ASCC1: variants seen among roughly 807,000 people sequenced by gnomAD.
The protein encoded by ASCC1 is activating signal cointegrator 1 complex subunit 1.
ASCC1 carries 35 observed loss-of-function variants against 46.6 expected under a neutral mutation model. The observed-to-expected ratio is 0.75, with a 90% CI of 0.57 to 0.99. The LOEUF (loss-of-function observed/expected upper bound fraction) is 0.99, where lower values mean the gene tolerates loss of function less well. Ranked by LOEUF, ASCC1 falls within the 50% of genes least tolerant of loss-of-function variation. The probability of loss-of-function intolerance (pLI) is 0.00; values close to 1 mark genes in which losing one functional copy is unlikely to be tolerated. For missense variants in ASCC1, 376 were observed against 428.7 expected (o/e 0.88, Z 1.09); for synonymous variants, 143 against 146.6 (o/e 0.98, Z 0.18).
chr10:72,160,048 G>A (rs952022669), intron 6 of ASCC1, among the ~76,000 whole-genome samples: 4 of 152,004 alleles, frequency 2.6e-5, no homozygotes, highest in African/African-American at 9.7e-5. Context: ...GGGACTACAG[G>A]TGCCTGCCAC....
At chr10:72,102,848 A>G (rs1329450161) in intron 9 of ASCC1, 2 of 358,150 alleles carry the variant, frequency 5.6e-6, no homozygotes, top group Non-Finnish European at 1.1e-5. Flanking sequence ...GGTGGCGGTC[A>G]CCTGTAATCC....
chr10:72,145,886 T>A (rs1304952813), intron 7 of ASCC1, among the ~76,000 whole-genome samples: 2 of 152,142 alleles, frequency 1.3e-5, no homozygotes, highest in East Asian at 3.8e-4. Flanking sequence ...AATGACCAAA[T>A]GGAAAAAAAC....
chr10:72,179,793 T>C (rs993219239), intron 5 of ASCC1, among the ~76,000 whole-genome samples: 2 of 152,150 alleles, frequency 1.3e-5, no homozygotes, highest in Non-Finnish European at 2.9e-5. Flanking sequence ...CAATTATCAA[T>C]TGAGTGAATA....
At chr10:72,099,625 A>T (rs936255936) in intron 9 of ASCC1, among the ~76,000 whole-genome samples, 1 of 152,228 alleles carries the variant, frequency 6.6e-6, no homozygotes, top group African/African-American at 2.4e-5. Flanking sequence ...GTTCGAGACC[A>T]GCCTGCCCTA....
At chr10:72,130,121 T>C (rs1157419221) in intron 8 of ASCC1, among the ~76,000 whole-genome samples, 1 of 152,092 alleles carries the variant, frequency 6.6e-6, no homozygotes, top group Non-Finnish European at 1.5e-5. Context: ...TACAGCATGA[T>C]TCTGTTTATA....
At chr10:72,186,606 T>G (rs187780103) in intron 5 of ASCC1, among the ~76,000 whole-genome samples, 4 of 152,206 alleles carry the variant, frequency 2.6e-5, no homozygotes, top group African/African-American at 9.7e-5. Flanking sequence ...CAGGCTTTCA[T>G]AGCCATCTTC....
At chr10:72,118,918 G>T (rs561356033) in intron 9 of ASCC1, among the ~76,000 whole-genome samples, 4 of 152,028 alleles carry the variant, frequency 2.6e-5, no homozygotes, top group South Asian at 4.2e-4. Flanking sequence ...TTCGGAAGTC[G>T]CCACTCCATC....
chr10:72,185,283 CAA>C (rs1853285403), intron 5 of ASCC1, among the ~76,000 whole-genome samples: 1 of 152,116 alleles, frequency 6.6e-6, no homozygotes, highest in Non-Finnish European at 1.5e-5. Flanking sequence ...AGTATTTACC[CAA>C]GAGGTATAAA....
chr10:72,126,001 C>A (rs1844820608), intron 9 of ASCC1, among the ~76,000 whole-genome samples: 1 of 152,198 alleles, frequency 6.6e-6, no homozygotes, highest in Non-Finnish European at 1.5e-5. Flanking sequence ...TATTAACTAG[C>A]TACGGTTTTA....
chr10:72,096,702 T>A lies in ASCC1; in HGVS notation c.*632A>T. On this transcript the variant is annotated 3_prime_UTR_variant, in exon 10 of 10. Transcript: ENST00000672957. ...GGAGGAACAGAGTGTGGTACGCACA[T>A]GTAACGGAACATTCCATTATATGTA... 1 of 454,090 alleles carries A rather than the reference T, an allele frequency of 2.2e-6. No homozygotes were observed. The highest frequency in any genetic ancestry group is 4.4e-6 in the Non-Finnish European group (1 of 226,786). The allele number at this position is 454,090 out of a possible 1,614,324, so 28.1% of individuals were successfully genotyped here. A position where few individuals can be genotyped will look rare whatever the true frequency, so the allele number is the denominator to read the frequency against.
chr10:72,199,456 C>T (rs1856166334), intron 4 of ASCC1, among the ~76,000 whole-genome samples: 1 of 152,056 alleles, frequency 6.6e-6, no homozygotes, highest in African/African-American at 2.4e-5. Context: ...CACCACCATG[C>T]CCTGCTAATT....
intron 6 of ASCC1, among the ~76,000 whole-genome samples, chr10:72,161,128 TGAA>T (rs1010172325): frequency 2.7e-5 from 4 of 145,744 alleles, no homozygotes; most frequent in African/African-American, 1.0e-4. Flanking sequence ...TAAAATATAA[TGAA>T]GACTTCCCTA....
At chr10:72,168,124 G>C (rs1249600096) in intron 5 of ASCC1, among the ~76,000 whole-genome samples, 2 of 152,220 alleles carry the variant, frequency 1.3e-5, no homozygotes, top group African/African-American at 4.8e-5. Context: ...CTGGGAGGTG[G>C]AGGTTGCAGT....
intron 9 of ASCC1, among the ~76,000 whole-genome samples, chr10:72,100,212 CTTAG>C (rs1377595280): frequency 2.0e-5 from 3 of 151,612 alleles, no homozygotes; most frequent in Admixed American, 6.6e-5. Flanking sequence ...TATCTTACTG[CTTAG>C]TTATTGTTAT....
chr10:72,115,456 G>A (rs1308267737), intron 9 of ASCC1, among the ~76,000 whole-genome samples: 1 of 152,098 alleles, frequency 6.6e-6, no homozygotes, highest in Non-Finnish European at 1.5e-5. Flanking sequence ...AATACAGGGA[G>A]ACTGTAGTAA....
intron 7 of ASCC1, among the ~76,000 whole-genome samples, chr10:72,152,388 G>GTATCCA (rs1436670759): frequency 6.6e-6 from 1 of 151,872 alleles, no homozygotes; most frequent in African/African-American, 2.4e-5. Flanking sequence ...TTTTGTCCTG[G>GTATCCA]TATCCACTAC....
intron 5 of ASCC1, among the ~76,000 whole-genome samples, chr10:72,189,746 G>A (rs893797759): frequency 3.5e-5 from 5 of 141,162 alleles, no homozygotes; most frequent in African/African-American, 8.4e-5. Flanking sequence ...AGGTTGCAGT[G>A]AGCCGAGATC....
chr10:72,100,964 G>A (rs1841682935), intron 9 of ASCC1, among the ~76,000 whole-genome samples: 1 of 152,114 alleles, frequency 6.6e-6, no homozygotes, highest in African/African-American at 2.4e-5. Context: ...TCCCACCAAG[G>A]AATTTCTGAA....
chr10:72,129,092 G>A (rs1341070414), intron 8 of ASCC1, among the ~76,000 whole-genome samples: 1 of 152,164 alleles, frequency 6.6e-6, no homozygotes, highest in Admixed American at 6.6e-5. Flanking sequence ...AAAACTCCAT[G>A]AACATAATAC....
Sources: gnomAD v4.1 joint callset for allele counts (sites outside exome capture counted in the v4.1 genomes callset) on GRCh38, gnomAD v4.1.1 for gene constraint, MANE v1.5 for transcripts, NCBI Gene and HGNC (gene_info 2026-07-23, HGNC 2026-07-21) for gene names.